The following TRDN variants were observed in gnomAD, a reference collection of about 807,000 sequenced individuals.
TRDN encodes triadin.
TRDN carries 161 observed loss-of-function variants against 149.7 expected under a neutral mutation model. The observed-to-expected ratio is 1.08, with a 90% CI of 0.95 to 1.23. The LOEUF is 1.23. Among genes scored for constraint, TRDN ranks in the 50% most tolerant of loss-of-function variants. The pLI is 0.00. For synonymous variants in TRDN, 294 were observed against 250.5 expected (o/e 1.17, Z -1.64); for missense variants, 896 against 823.5 (o/e 1.09, Z -1.08).
chr6:123,477,015 C>G (rs1213674711), intron 9 of TRDN, among the ~76,000 whole-genome samples: 2 of 95,848 alleles, frequency 2.1e-5, no homozygotes, highest in Non-Finnish European at 4.1e-5. Flanking sequence ...GACTTCATGT[C>G]TAAAACACCA....
chr6:123,279,808 A>G (rs1777518776), intron 24 of TRDN, among the ~76,000 whole-genome samples: 1 of 152,046 alleles, frequency 6.6e-6, no homozygotes, highest in South Asian at 2.1e-4. Context: ...GGTAAACATA[A>G]TATGTATGCT....
At chr6:123,604,786 A>G (rs2114660705) in intron 1 of TRDN, among the ~76,000 whole-genome samples, 1 of 151,924 alleles carries the variant, frequency 6.6e-6, no homozygotes, top group East Asian at 2.0e-4. Context: ...GGGAAGGTCA[A>G]TGATTTGATT....
chr6:123,394,679 T>G (rs1221649565), intron 12 of TRDN, among the ~76,000 whole-genome samples: 1 of 152,144 alleles, frequency 6.6e-6, no homozygotes. Context: ...TACCTCTTGT[T>G]GGTAAGATAA....
chr6:123,418,794 C>T (rs911611926), intron 12 of TRDN, among the ~76,000 whole-genome samples: 25 of 152,242 alleles, frequency 1.6e-4, no homozygotes, highest in African/African-American at 5.8e-4. Flanking sequence ...GACCTCAGGT[C>T]CAAGCTCCCG....
intron 16 of TRDN, among the ~76,000 whole-genome samples, chr6:123,380,141 T>C (rs145090381): frequency 3.2e-4 from 48 of 152,296 alleles, no homozygotes; most frequent in African/African-American, 1.1e-3. Context: ...CTTCTCCTTA[T>C]TGCTGCCCGA....
chr6:123,337,763 A>T, intron 21 of TRDN, 94 bp from the exon 22 acceptor site: 1 of 634,904 alleles, frequency 1.6e-6, no homozygotes, highest in Non-Finnish European at 2.6e-6. Context: ...GAGGCTTAAG[A>T]TCACAGGGCA....
chr6:123,378,700 A>G (rs1230222362), intron 16 of TRDN, among the ~76,000 whole-genome samples: 1 of 152,206 alleles, frequency 6.6e-6, no homozygotes, highest in African/African-American at 2.4e-5. Flanking sequence ...GAATCTTCTT[A>G]CATGGAAGAA....
intron 7 of TRDN, among the ~76,000 whole-genome samples, chr6:123,508,631 T>C (rs1396422852): frequency 2.0e-5 from 3 of 152,210 alleles, no homozygotes; most frequent in African/African-American, 7.2e-5. Context: ...AGAAATAGGC[T>C]AGATTTCTCA....
intron 38 of TRDN, among the ~76,000 whole-genome samples, chr6:123,230,099 C>T (rs1017441297): frequency 4.0e-5 from 6 of 151,798 alleles, no homozygotes; most frequent in African/African-American, 7.3e-5. Context: ...ATGTTTACAG[C>T]GGCACTATTC....
intron 38 of TRDN, among the ~76,000 whole-genome samples, chr6:123,240,062 A>C (rs1245465607): frequency 6.6e-6 from 1 of 152,016 alleles, no homozygotes; most frequent in Non-Finnish European, 1.5e-5. Flanking sequence ...CAGAGATGAG[A>C]GACCAATACA....
At chr6:123,226,382 G>A (rs1381189758) in intron 38 of TRDN, among the ~76,000 whole-genome samples, 1 of 151,854 alleles carries the variant, frequency 6.6e-6, no homozygotes, top group East Asian at 1.9e-4. Context: ...ATGAGGCAAA[G>A]TCCGTGTCCA....
chr6:123,457,491 T>C (rs983801985), intron 10 of TRDN: 2 of 383,372 alleles, frequency 5.2e-6, no homozygotes, highest in African/African-American at 4.3e-5. Flanking sequence ...AGATACAAGT[T>C]TCTTGTCTAT....
At chr6:123,232,287 C>T (rs539584305) in intron 38 of TRDN, among the ~76,000 whole-genome samples, 1 of 151,952 alleles carries the variant, frequency 6.6e-6, no homozygotes, top group Admixed American at 6.6e-5. Flanking sequence ...ATGTGGAAGG[C>T]ATTAGAGAGG....
Position 123,224,142 on chromosome 6 carries a change from G to GA in TRDN, c.1976-12dup, listed in dbSNP as rs762891267. ...CATCTTCAACATCTTCTAGAGTACA[G>GA]AAAAAAGGCACATAGAATCACAGTC... is the stretch of plus-strand genomic sequence containing the variant. On this transcript the variant is annotated splice_polypyrimidine_tract_variant and intron_variant, in intron 38 of 40. Coordinates refer to ENST00000334268, the MANE Select transcript of TRDN (RefSeq NM_006073.4). The GA allele has an allele frequency of 5.0e-6, 8 of 1,608,976 alleles. No homozygotes were observed. In the East Asian group the frequency reaches 8.9e-5, roughly 18 times the overall value.
chr6:123,325,567 T>C (rs192062838), intron 23 of TRDN, among the ~76,000 whole-genome samples: 1 of 152,232 alleles, frequency 6.6e-6, no homozygotes, highest in East Asian at 1.9e-4. Context: ...TATAGATTAA[T>C]TGAATCTTCT....
At chr6:123,563,440 T>C (rs1443929565) in intron 2 of TRDN, among the ~76,000 whole-genome samples, 1 of 152,236 alleles carries the variant, frequency 6.6e-6, no homozygotes, top group Non-Finnish European at 1.5e-5. Flanking sequence ...TTAATAAATA[T>C]GTATAAAAGG....
chr6:123,396,262 G>A (rs1207187831), intron 12 of TRDN, among the ~76,000 whole-genome samples: 1 of 151,896 alleles, frequency 6.6e-6, no homozygotes, highest in East Asian at 1.9e-4. Context: ...TTTTTGTTAG[G>A]GAAAATTCTA....
intron 1 of TRDN, among the ~76,000 whole-genome samples, chr6:123,584,692 C>T (rs972853002): frequency 6.6e-6 from 1 of 152,052 alleles, no homozygotes; most frequent in Non-Finnish European, 1.5e-5. Context: ...ATTTGCTGAG[C>T]CTAGTGGGTG....
At chr6:123,450,207 A>T (rs1775684370) in intron 10 of TRDN, among the ~76,000 whole-genome samples, 1 of 152,212 alleles carries the variant, frequency 6.6e-6, no homozygotes, top group Non-Finnish European at 1.5e-5. Context: ...AACAAAGAGC[A>T]CAATGAATGC....
Sources: allele counts gnomAD v4.1 joint callset (sites outside exome capture counted in the v4.1 genomes callset), GRCh38; gene constraint gnomAD v4.1.1; transcripts MANE v1.5; gene names NCBI Gene and HGNC (gene_info 2026-07-23, HGNC 2026-07-21).